The following MBP variants were observed in gnomAD, a reference collection of about 807,000 sequenced individuals.
The protein encoded by MBP is Golli-MBP.
A neutral mutation model predicts 35.8 loss-of-function variants in MBP; 16 were observed. The ratio of observed to expected loss-of-function variants is 0.45; its 90% CI spans 0.30 to 0.68. The LOEUF (loss-of-function observed/expected upper bound fraction) is 0.68, where lower values mean the gene tolerates loss of function less well. Among genes scored for constraint, MBP ranks in the 30% least tolerant of loss-of-function variants. The pLI is 0.08. For missense variants in MBP, 380 were observed against 404.7 expected, an observed-to-expected ratio of 0.94 and a Z score of 0.52; for synonymous variants, 143 against 159.6, an observed-to-expected ratio of 0.90 and a Z score of 0.78.
intron 1 of MBP, among the ~76,000 whole-genome samples, chr18:77,118,466 G>A (rs1156551128): frequency 2.0e-5 from 3 of 151,900 alleles, no homozygotes; most frequent in Non-Finnish European, 4.4e-5. Flanking sequence ...CCCACTGGAG[G>A]CCAAATCCAA....
chr18:77,088,991 C>T (rs756461773), intron 2 of MBP, among the ~76,000 whole-genome samples: 6 of 152,372 alleles, frequency 3.9e-5, no homozygotes, highest in African/African-American at 4.8e-5. Flanking sequence ...CACCCACCCT[C>T]CTTGTCACAG....
intron 2 of MBP, among the ~76,000 whole-genome samples, chr18:77,081,767 TACACACAC>T (rs1208032259): frequency 1.4e-4 from 14 of 99,856 alleles, no homozygotes; most frequent in African/African-American, 5.0e-4. Context: ...TATATATATA[TACACACAC>T]ACACACACAC....
chr18:77,089,350 C>A (rs1026520), intron 2 of MBP, among the ~76,000 whole-genome samples: 112,231 of 152,194 alleles, frequency 0.74, 42,873 homozygotes, highest in South Asian at 0.89. Flanking sequence ...TCACCAGACC[C>A]GGTTATCCAG....
chr18:76,992,287 T>C (rs1029632009), intron 4 of MBP, among the ~76,000 whole-genome samples: 5 of 152,160 alleles, frequency 3.3e-5, no homozygotes, highest in African/African-American at 1.2e-4. Context: ...CCATAAGGAG[T>C]GCACAACCTC....
chr18:77,100,632 C>T (rs1274751108), intron 2 of MBP, among the ~76,000 whole-genome samples: 1 of 151,786 alleles, frequency 6.6e-6, no homozygotes, highest in Non-Finnish European at 1.5e-5. Flanking sequence ...CTCACCGTAG[C>T]CTCGACCTCT....
At position 77,017,172 on chromosome 18, in the gene MBP, T is replaced by C. The variant is rs1971696362; in HGVS notation, c.236A>G (p.Asp79Gly). 6.5e-7 allele frequency: 1 copy of C among 1,546,242 alleles called. No individual in the cohort carries two copies. Among genetic ancestry groups the C allele is most frequent in the Non-Finnish European group, 8.7e-7 (1 of 1,145,262 alleles). ...RTADPKNAWQ[D>G]AHPADPGSRP... is the part of the protein sequence containing the mutation. ...GCTCCCTGGGTCAGCTGGGTGGGCA[T>C]CCTGCCAGGCATTCTTCGGGTCCGC... The change falls in exon 4 of 9, where the codon GAT becomes GGT. Residue 79 changes from aspartate to glycine, a missense_variant. By Grantham distance (94) the Asp-to-Gly change is moderately conservative. Coordinates refer to ENST00000355994, the MANE Select transcript of MBP (RefSeq NM_001025101.2).
intron 3 of MBP, among the ~76,000 whole-genome samples, chr18:77,057,384 A>C (rs573956434): frequency 7.2e-5 from 11 of 152,284 alleles, no homozygotes; most frequent in African/African-American, 2.2e-4. Flanking sequence ...TGTTTCTATG[A>C]TTTATACCCA....
At chr18:77,014,545 C>A in intron 4 of MBP, 1 of 985,444 alleles carries the variant, frequency 1.0e-6, no homozygotes, top group African/African-American at 1.7e-5. Flanking sequence ...AACAGGGGCT[C>A]TCCTGATTTG....
rs4890791 is a variant in MBP, at chr18:77,049,484, C to T, written c.139+16814G>A. Among the ~76,000 whole-genome samples, 74 of 152,078 alleles carry T rather than the reference C, an allele frequency of 4.9e-4. 1 individual carries two copies. In the East Asian group the frequency reaches 0.01, roughly 21 times the overall value. ...TATCTGAGGTAGCTGAAATGGGACC[C>T]GGAAGATTTGCCTCATTGGTTTGGG... On this transcript the variant is annotated intron_variant, in intron 3 of 8. Coordinates refer to ENST00000355994, the MANE Select transcript of MBP (RefSeq NM_001025101.2).
chr18:76,984,771 T>A lies in MBP; in HGVS notation c.870+4A>T. On this transcript the variant is annotated splice_donor_region_variant and intron_variant, in intron 8 of 8. Coordinates refer to ENST00000355994, the MANE Select transcript of MBP (RefSeq NM_001025101.2). ...TCAGTGGAGCTGAGCAGAGGGTACC[T>A]TACCAGCTTAAAAATTTTGGAAAGC... The A allele has an allele frequency of 6.2e-7, 1 of 1,613,960 alleles. No homozygotes were observed. Among genetic ancestry groups the A allele is most frequent in the Non-Finnish European group, 8.5e-7 (1 of 1,179,998 alleles).
At chr18:77,030,445 A>C (rs912056456) in intron 3 of MBP, among the ~76,000 whole-genome samples, 1 of 152,196 alleles carries the variant, frequency 6.6e-6, no homozygotes, top group Non-Finnish European at 1.5e-5. Context: ...TTTTGTCTTA[A>C]ATGCACAATG....
intron 1 of MBP, among the ~76,000 whole-genome samples, chr18:77,105,844 G>T (rs1440874006): frequency 6.6e-6 from 1 of 152,206 alleles, no homozygotes; most frequent in Non-Finnish European, 1.5e-5. Flanking sequence ...TTGTAGGGAA[G>T]ATAAAGATGG....
chr18:76,990,362 CGGT>C (rs1346113430), intron 4 of MBP, among the ~76,000 whole-genome samples: 2 of 151,620 alleles, frequency 1.3e-5, no homozygotes, highest in Non-Finnish European at 2.9e-5. Flanking sequence ...GTGCATTGCT[CGGT>C]GGGTGGAAAA....
At position 77,069,035 on chromosome 18, in the gene MBP, C is replaced by T. The variant is rs200561696; in HGVS notation, c.52-2650G>A. ...GGCTCCCAGCAGCCTGTGACTTCTG[C>T]GGATTTTCCTGTGTCTCTATTACAG... On this transcript the variant is annotated intron_variant, in intron 2 of 8. Coordinates refer to ENST00000355994, the MANE Select transcript of MBP (RefSeq NM_001025101.2). 1.6e-3 allele frequency: 775 copies of T among 480,572 alleles called. 1 individual carries two copies. Among genetic ancestry groups the T allele is most frequent in the Non-Finnish European group, 2.6e-3 (627 of 239,590 alleles). The allele number at this position is 480,572 out of a possible 1,614,324, so 29.8% of individuals were successfully genotyped here. A position where few individuals can be genotyped will look rare whatever the true frequency, so the allele number is the denominator to read the frequency against.
chr18:77,086,971 C>T (rs1975260734), intron 2 of MBP, among the ~76,000 whole-genome samples: 1 of 152,214 alleles, frequency 6.6e-6, no homozygotes, highest in Admixed American at 6.5e-5. Flanking sequence ...ACTAAAATTG[C>T]CACGGAAGAA....
At chr18:77,095,109 A>T (rs1263912041) in intron 2 of MBP, among the ~76,000 whole-genome samples, 1 of 152,166 alleles carries the variant, frequency 6.6e-6, no homozygotes, top group East Asian at 1.9e-4. Context: ...AGAGTTTTCT[A>T]GAGGTTTGTC....
intron 1 of MBP, chr18:77,127,593 G>A (rs1255370273): frequency 1.3e-5 from 2 of 152,078 alleles, no homozygotes; most frequent in African/African-American, 2.4e-5. Flanking sequence ...CTGTGAAGAG[G>A]GTGAAAAAAC....
At chr18:77,035,194 C>T (rs987642558) in intron 3 of MBP, among the ~76,000 whole-genome samples, 6 of 152,162 alleles carry the variant, frequency 3.9e-5, no homozygotes, top group East Asian at 1.9e-4. Flanking sequence ...TTACGCATTC[C>T]GTACTCATAC....
chr18:77,008,861 C>A (rs1971153975), intron 4 of MBP, among the ~76,000 whole-genome samples: 1 of 152,246 alleles, frequency 6.6e-6, no homozygotes, highest in Non-Finnish European at 1.5e-5. Context: ...CAAGTTTTGG[C>A]ATCCGCAGGC....
Sources: allele counts gnomAD v4.1 joint callset (sites outside exome capture counted in the v4.1 genomes callset), GRCh38; gene constraint gnomAD v4.1.1; transcripts MANE v1.5; gene names NCBI Gene and HGNC (gene_info 2026-07-23, HGNC 2026-07-21).